The following KANK1 variants were observed in gnomAD, a reference collection of about 807,000 sequenced individuals.
KANK1 encodes KN motif and ankyrin repeat domains 1, also known as KN motif and ankyrin repeat domain-containing protein 1.
Under a neutral mutation model 106.2 loss-of-function variants are expected in KANK1, and 109 were observed. The ratio of observed to expected loss-of-function variants is 1.03; its 90% confidence interval spans 0.88 to 1.20. KANK1 has a LOEUF of 1.20. Among genes scored for constraint, KANK1 ranks in the 50% most tolerant of loss-of-function variants. KANK1 has a pLI of 0.00. For synonymous variants in KANK1, 873 were observed against 652.2 expected (o/e 1.34, Z -5.16); for missense variants, 2,399 against 1,710.7 (o/e 1.40, Z -7.10).
At chr9:556,629 C>T (rs1565793) in intron 1 of KANK1, among the ~76,000 whole-genome samples, 1 of 152,096 alleles carries the variant, frequency 6.6e-6, no homozygotes, top group Non-Finnish European at 1.5e-5. Context: ...GTCCTTGTTC[C>T]ATTAAGATAA....
chr9:606,616 A>G lies in KANK1; in HGVS notation c.-83-70274A>G, dbSNP rs895346746. 4.1e-4 allele frequency among the ~76,000 whole-genome samples: 37 copies of G among 90,076 alleles called. 1 individual carries two copies. In the South Asian group the frequency reaches 8.9e-3, roughly 22 times the overall value. The allele number at this position is 90,076 out of a possible 152,430, so 59.1% of individuals were successfully genotyped here. On this transcript the variant is annotated intron_variant, in intron 1 of 11. Coordinates refer to ENST00000382297, the MANE Select transcript of KANK1 (RefSeq NM_015158.5). The stretch of plus-strand genomic sequence containing the variant: ...ATAAAATATGTGTGTGTGTGTGTGT[A>G]TATATTTATATATTTATATATATTA...
chr9:620,786 A>T (rs1832965695), intron 1 of KANK1, among the ~76,000 whole-genome samples: 1 of 152,230 alleles, frequency 6.6e-6, no homozygotes, highest in Non-Finnish European at 1.5e-5. Context: ...AACTTTTAAA[A>T]ATTTAATATT....
intron 1 of KANK1, among the ~76,000 whole-genome samples, chr9:666,279 A>G (rs79947846): frequency 6.6e-6 from 1 of 152,070 alleles, no homozygotes; most frequent in Non-Finnish European, 1.5e-5. Context: ...CTATTGGTAT[A>G]TATAAATGCT....
At position 645,476 on chromosome 9, in the gene KANK1, A is replaced by T. The variant is rs1839472000; in HGVS notation, c.-83-31414A>T. ...AAAAAAAAAAAGGCCTTAAGATAAA[A>T]AACAGTGAAATAAAAGAAGTCATAT... On this transcript the variant is annotated intron_variant, in intron 1 of 11. Transcript: ENST00000382297. 1.3e-5 allele frequency among the ~76,000 whole-genome samples: 2 copies of T among 150,156 alleles called. 1 individual carries two copies. The highest frequency in any genetic ancestry group is 2.9e-5 in the Non-Finnish European group (2 of 67,956).
intron 2 of KANK1, among the ~76,000 whole-genome samples, chr9:691,725 C>T (rs1188489801): frequency 6.8e-6 from 1 of 147,342 alleles, no homozygotes; most frequent in Admixed American, 7.1e-5. Context: ...GTAATCCTCC[C>T]AGTCTCAGCT....
chr9:690,133 C>CAAAAAAAAAAAAAAAAAAAAAAA, intron 2 of KANK1, among the ~76,000 whole-genome samples: 1 of 61,650 alleles, frequency 1.6e-5, no homozygotes, highest in Non-Finnish European at 2.7e-5. Context: ...TCTAAAAATA[C>CAAAAAAAAAAAAAAAAAAAAAAA]AAAAAAAAAA....
intron 1 of KANK1, among the ~76,000 whole-genome samples, chr9:595,030 A>AT: frequency 6.6e-6 from 1 of 152,104 alleles, no homozygotes; most frequent in East Asian, 1.9e-4. Context: ...AAGAAAAAAA[A>AT]GAATTTTTAG....
chr9:513,218 A>G (rs10974931), intron 1 of KANK1, among the ~76,000 whole-genome samples: 1 of 152,048 alleles, frequency 6.6e-6, no homozygotes, highest in Non-Finnish European at 1.5e-5. Flanking sequence ...TCTTCCCTAC[A>G]CTTAGCATTT....
chr9:532,477 A>T (rs141818034), intron 1 of KANK1, among the ~76,000 whole-genome samples: 9 of 146,938 alleles, frequency 6.1e-5, no homozygotes, highest in African/African-American at 2.3e-4. Context: ...CATCTCCAGA[A>T]CTCTTTCATC....
intron 3 of KANK1, among the ~76,000 whole-genome samples, chr9:723,629 A>G (rs999063523): frequency 1.3e-5 from 2 of 151,916 alleles, no homozygotes; most frequent in African/African-American, 4.8e-5. Context: ...CCTGTCTGTA[A>G]TTCATTCTGT....
At chr9:510,956 G>A (rs1191192569) in intron 1 of KANK1, among the ~76,000 whole-genome samples, 1 of 152,184 alleles carries the variant, frequency 6.6e-6, no homozygotes. Flanking sequence ...TTAGTAAACA[G>A]TACTTAAATT....
rs548263892 is a variant in KANK1, at chr9:684,473, A to G, written c.37+7464A>G. On this transcript the variant is annotated intron_variant, in intron 2 of 11. Coordinates refer to ENST00000382297, the MANE Select transcript of KANK1 (RefSeq NM_015158.5). ...TGTGTTAAGAACTCGAGCTGTTGCTATTATTCTAAGAGACTGGGTAGCCAG... is the reference window on the plus strand; with the variant it reads ...TGTGTTAAGAACTCGAGCTGTTGCTGTTATTCTAAGAGACTGGGTAGCCAG... 2.7e-4 allele frequency: 266 copies of G among 985,444 alleles called. 3 individuals are homozygous for G. The South Asian group carries it at 0.01, about 38-fold the overall frequency. The allele number at this position is 985,444 out of a possible 1,614,324, so 61.0% of individuals were successfully genotyped here. A position where few individuals can be genotyped will look rare whatever the true frequency, so the allele number is the denominator to read the frequency against.
chr9:554,072 G>C (rs993992239), intron 1 of KANK1, among the ~76,000 whole-genome samples: 3 of 152,174 alleles, frequency 2.0e-5, no homozygotes, highest in Admixed American at 6.5e-5. Context: ...CAAAGAGACA[G>C]CATAGGTATA....
intron 2 of KANK1, among the ~76,000 whole-genome samples, chr9:695,263 G>C (rs1232034645): frequency 1.3e-5 from 2 of 152,150 alleles, no homozygotes; most frequent in African/African-American, 4.8e-5. Flanking sequence ...TGAGGACTTC[G>C]GGAGAGCTGC....
intron 3 of KANK1, among the ~76,000 whole-genome samples, chr9:480,324 G>A (rs2058181683): frequency 6.6e-6 from 1 of 152,202 alleles, no homozygotes; most frequent in African/African-American, 2.4e-5. Flanking sequence ...CAGGATATCT[G>A]AAAATCTCAC....
intron 1 of KANK1, among the ~76,000 whole-genome samples, chr9:569,416 A>G (rs1818619977): frequency 6.6e-6 from 1 of 151,794 alleles, no homozygotes; most frequent in Admixed American, 6.6e-5. Context: ...TTATCAGGGG[A>G]GTAGGGCTGG....
At position 742,349 on chromosome 9, in the gene KANK1, G is replaced by C. The variant is rs1835846138; in HGVS notation, c.3841G>C (p.Glu1281Gln). 1 of 1,614,130 alleles carries C rather than the reference G, an allele frequency of 6.2e-7. No homozygotes were observed. The change falls in exon 10 of 12, where the codon GAG becomes CAG. Residue 1281 changes from glutamate to glutamine, a missense_variant. By Grantham distance (29) the Glu-to-Gln change is conservative (BLOSUM62 2). Coordinates refer to ENST00000382297, the MANE Select transcript of KANK1 (RefSeq NM_015158.5). Reference sequence around the variant, plus strand: ...GTGTGCCAGCGAGCACGGACACGTGGAGATTGTCAAGCTGCTGCTGGCCCA... The same window carrying C: ...GTGTGCCAGCGAGCACGGACACGTGCAGATTGTCAAGCTGCTGCTGGCCCA... ...LMCASEHGHV[E>Q]IVKLLLAQPG...
At chr9:517,462 TTC>T (rs76285543) in intron 1 of KANK1, among the ~76,000 whole-genome samples, 25,203 of 151,606 alleles carry the variant, frequency 0.17, 4,232 homozygotes, top group African/African-American at 0.41. Context: ...AGAACACTGT[TTC>T]TTTTTGTTTC....
At position 738,311 on chromosome 9, in the gene KANK1, C is replaced by T. The variant is rs200250223; in HGVS notation, c.3360C>T (p.His1120=). Residue 1120 remains histidine, a synonymous_variant, in exon 8 of 12, where the codon CAC becomes CAT. Coordinates refer to ENST00000382297, the MANE Select transcript of KANK1 (RefSeq NM_015158.5). ...GGTTCTGTCTGAACACCCTCCAGCA[C>T]GAGTGGTTCCGCGTGTCCAGTCAGA... ...DMRFCLNTLQ[H]EWFRVSSQKS... is the part of the protein sequence containing the mutation. 43 of 1,613,630 alleles carry T rather than the reference C, an allele frequency of 2.7e-5. No homozygotes were observed. Among genetic ancestry groups the T allele is most frequent in the South Asian group, 1.4e-4 (13 of 90,870 alleles).
Sources: gnomAD v4.1 joint callset for allele counts (sites outside exome capture counted in the v4.1 genomes callset) on GRCh38, gnomAD v4.1.1 for gene constraint, MANE v1.5 for transcripts, NCBI Gene and HGNC (gene_info 2026-07-23, HGNC 2026-07-21) for gene names.